Variants in MRTFB observed in about 807,000 individuals in gnomAD.
MRTFB encodes the protein myocardin-related transcription factor B.
Under a neutral mutation model 104.2 loss-of-function variants are expected in MRTFB, and 29 were observed. The ratio of observed to expected loss-of-function variants is 0.28; its 90% CI spans 0.21 to 0.38. MRTFB has a LOEUF of 0.38. MRTFB is among the 10% of genes least tolerant of loss of function. The pLI is 1.00. For synonymous variants in MRTFB, 535 were observed against 519.5 expected, an observed-to-expected ratio of 1.03 and a Z score of -0.41; for missense variants, 1,270 against 1,341.6, an observed-to-expected ratio of 0.95 and a Z score of 0.83.
At chr16:14,203,482 G>T (rs1443010064) in intron 3 of MRTFB, among the ~76,000 whole-genome samples, 1 of 152,076 alleles carries the variant, frequency 6.6e-6, no homozygotes, top group Non-Finnish European at 1.5e-5. Flanking sequence ...TTATTAATAT[G>T]CTGCATACAA....
At chr16:14,211,620 G>T (rs2041192783) in intron 4 of MRTFB, among the ~76,000 whole-genome samples, 1 of 152,168 alleles carries the variant, frequency 6.6e-6, no homozygotes, top group South Asian at 2.1e-4. Flanking sequence ...TACGGTTGTA[G>T]GTGACGATTT....
intron 8 of MRTFB, among the ~76,000 whole-genome samples, chr16:14,220,442 CACCTGCATG>C (rs2041639660): frequency 1.3e-5 from 2 of 152,138 alleles, no homozygotes; most frequent in South Asian, 4.1e-4. Context: ...ATGATCATTT[CACCTGCATG>C]AAAGATTATA....
chr16:14,148,407 G>A (rs1347228931), intron 3 of MRTFB, among the ~76,000 whole-genome samples: 1 of 152,036 alleles, frequency 6.6e-6, no homozygotes, highest in Non-Finnish European at 1.5e-5. Context: ...ATGAATACAG[G>A]GAATGTACTG....
chr16:14,078,232 CTG>C (rs1444401332), intron 1 of MRTFB, among the ~76,000 whole-genome samples: 1 of 152,232 alleles, frequency 6.6e-6, no homozygotes, highest in East Asian at 1.9e-4. Flanking sequence ...AGGAGAGAAA[CTG>C]TGTTCATCCT....
At chr16:14,217,095 G>T in intron 6 of MRTFB, 31 bp from the exon 7 acceptor site, 1 of 1,573,602 alleles carries the variant, frequency 6.4e-7, no homozygotes, top group South Asian at 1.2e-5. Flanking sequence ...AGTAATTCGA[G>T]TAATGGTTAA....
chr16:14,194,428 C>T (rs907842437), intron 3 of MRTFB, among the ~76,000 whole-genome samples: 6 of 152,184 alleles, frequency 3.9e-5, no homozygotes, highest in South Asian at 2.1e-4. Flanking sequence ...GTCCCAACCT[C>T]GTGACCTCAT....
In MRTFB at chr16:14,252,491, C is replaced by T; in HGVS notation, c.2692C>T (p.Pro898Ser). ...AIKQTRSTQAPLPEISNAHSQ... is the reference protein window; with the variant it reads ...AIKQTRSTQASLPEISNAHSQ... ...CAAGCAGACACGCAGCACACAGGCCCCTCTGCCAGAGGTAAGTGAGGGCAC... is the reference window on the plus strand; with the variant it reads ...CAAGCAGACACGCAGCACACAGGCCTCTCTGCCAGAGGTAAGTGAGGGCAC... Residue 898 changes from proline to serine, a missense_variant, in exon 15 of 17, where the codon CCT becomes TCT. Physicochemically the swap from Pro to Ser is moderately conservative, Grantham distance 74 (BLOSUM62 -1). Transcript: ENST00000571589. The T allele has an allele frequency of 1.2e-6, 2 of 1,613,964 alleles. No individual in the cohort carries two copies. Among genetic ancestry groups the T allele is most frequent in the Non-Finnish European group, 1.7e-6 (2 of 1,179,980 alleles).
Position 14,137,278 on chromosome 16 carries a change from T to C in MRTFB, c.-63-3266T>C, listed in dbSNP as rs2037768760. On this transcript the variant is annotated intron_variant, in intron 2 of 16. Coordinates refer to ENST00000571589, the MANE Select transcript of MRTFB (RefSeq NM_001308142.2). ...AAGTTAAAATTTTTTGAAAACTTAA[T>C]CTTTGCCTTTGCTACATTTTATAAA... Among the ~76,000 whole-genome samples the C allele has an allele frequency of 3.3e-5, 5 of 152,308 alleles. No individual in the cohort carries two copies. In the South Asian group the frequency reaches 1.0e-3, roughly 32 times the overall value.
chr16:14,105,276 C>CA (rs2035909560), intron 2 of MRTFB, among the ~76,000 whole-genome samples: 1 of 152,152 alleles, frequency 6.6e-6, no homozygotes, highest in African/African-American at 2.4e-5. Context: ...TCTCCTTTGT[C>CA]TCTTTCCTAA....
intron 2 of MRTFB, among the ~76,000 whole-genome samples, chr16:14,107,786 C>A (rs1285986370): frequency 1.3e-5 from 2 of 152,180 alleles, no homozygotes; most frequent in Non-Finnish European, 2.9e-5. Context: ...GGAACAGTTG[C>A]TGGAGAGGAG....
At chr16:14,209,556 T>C (rs2041100181) in intron 3 of MRTFB, among the ~76,000 whole-genome samples, 1 of 152,212 alleles carries the variant, frequency 6.6e-6, no homozygotes, top group African/African-American at 2.4e-5. Context: ...AATTAATTTT[T>C]TATTAAATTT....
chr16:14,036,832 G>A, the MRTFB span, among the ~76,000 whole-genome samples: 1 of 152,014 alleles, frequency 6.6e-6, no homozygotes. Flanking sequence ...CCACGACCTG[G>A]CCCCCAGGGC....
chr16:14,030,204 G>A, the MRTFB span, among the ~76,000 whole-genome samples: 7 of 152,278 alleles, frequency 4.6e-5, no homozygotes, highest in South Asian at 2.1e-4. Flanking sequence ...CTCAGAAAGC[G>A]TTCAGTCCAA....
At chr16:14,145,064 A>C (rs1414982883) in intron 3 of MRTFB, among the ~76,000 whole-genome samples, 2 of 150,348 alleles carry the variant, frequency 1.3e-5, no homozygotes, top group African/African-American at 4.9e-5. Flanking sequence ...TTTTAAATCT[A>C]AGTTTTTGAC....
the MRTFB span, among the ~76,000 whole-genome samples, chr16:14,056,616 T>A: frequency 6.6e-6 from 1 of 152,174 alleles, no homozygotes; most frequent in Admixed American, 6.5e-5. Context: ...CTCTCTTTTT[T>A]TGGAGAATGG....
In MRTFB at chr16:14,234,208, T is replaced by A. The variant is rs1567198469; in HGVS notation, c.756T>A (p.Pro252=). ...FLKTPPTADQ[P]PPRPAAPVLP... is the part of the protein sequence containing the mutation. ...AAACTCCTCCAACTGCAGATCAGCC[T>A]CCCCCACGGCCTGCAGCTCCTGTCC... Residue 252 remains proline, a synonymous_variant, in exon 9 of 17, where the codon CCT becomes CCA. Transcript: ENST00000571589. 1 of 1,614,050 alleles carries A rather than the reference T, an allele frequency of 6.2e-7. No individual in the cohort carries two copies. Among genetic ancestry groups the A allele is most frequent in the Non-Finnish European group, 8.5e-7 (1 of 1,179,990 alleles).
At chr16:14,207,003 A>G (rs539460409) in intron 3 of MRTFB, among the ~76,000 whole-genome samples, 3 of 151,278 alleles carry the variant, frequency 2.0e-5, no homozygotes, top group South Asian at 2.1e-4. Flanking sequence ...CTCCCCTTCC[A>G]TTCATGTTCT....
At chr16:14,096,273 ATGT>A (rs1223004554) in intron 2 of MRTFB, among the ~76,000 whole-genome samples, 5 of 152,038 alleles carry the variant, frequency 3.3e-5, no homozygotes, top group African/African-American at 7.3e-5. Context: ...GGGTTTTACC[ATGT>A]TGGCCAAGCT....
rs2043888189 is a variant in MRTFB, at chr16:14,264,745, G to A, written c.*3301G>A. The A allele has an allele frequency of 6.6e-6, 1 of 152,228 alleles. No individual in the cohort carries two copies. Among genetic ancestry groups the A allele is most frequent in the Admixed American group, 6.5e-5 (1 of 15,278 alleles). The allele number at this position is 152,228 out of a possible 1,614,324, so 9.4% of individuals were successfully genotyped here. On this transcript the variant is annotated 3_prime_UTR_variant, in exon 17 of 17. Transcript: ENST00000571589. ...TGCTGCCTGCAAGCTGCTGCCTATG[G>A]AAGGCAAAGTCATAGTAATGAGATA...
Sources: gnomAD v4.1 joint callset for allele counts (sites outside exome capture counted in the v4.1 genomes callset) on GRCh38, gnomAD v4.1.1 for gene constraint, MANE v1.5 for transcripts, NCBI Gene and HGNC (gene_info 2026-07-23, HGNC 2026-07-21) for gene names.